The following AOPEP variants were observed in gnomAD, a reference collection of about 807,000 sequenced individuals.
The protein encoded by AOPEP is aminopeptidase O (putative).
Under a neutral mutation model 98.1 loss-of-function variants are expected in AOPEP, and 77 were observed. The observed-to-expected ratio is 0.78, with a 90% CI of 0.65 to 0.95. The LOEUF (loss-of-function observed/expected upper bound fraction) is 0.95. Ranked by LOEUF, AOPEP falls within the 40% of genes least tolerant of loss-of-function variation. AOPEP has a pLI of 0.00. For synonymous variants in AOPEP, 346 were observed against 365.3 expected (o/e 0.95, Z 0.60); for missense variants, 1,024 against 1,024.7 (o/e 1.00, Z 0.01).
At chr9:94,955,878 C>T in intron 8 of AOPEP, 30 bp from the exon 9 acceptor site, 1 of 1,526,902 alleles carries the variant, frequency 6.5e-7, no homozygotes, top group Non-Finnish European at 9.0e-7. Context: ...TGGTAGGCCT[C>T]TTTTTCTCTC....
At chr9:95,001,013 T>A (rs951240444) in intron 11 of AOPEP, among the ~76,000 whole-genome samples, 3 of 152,150 alleles carry the variant, frequency 2.0e-5, no homozygotes, top group African/African-American at 7.2e-5. Context: ...TTGGGAACAT[T>A]GAAGAGCCCC....
chr9:95,149,837 T>G, the AOPEP span: 3 of 1,441,150 alleles, frequency 2.1e-6, no homozygotes, highest in South Asian at 3.7e-5. Flanking sequence ...GTTTGGACAC[T>G]GCTGTCGTAC....
intron 3 of AOPEP, among the ~76,000 whole-genome samples, chr9:94,783,465 C>T (rs16911698): frequency 0.065 from 9,964 of 152,168 alleles, 1,086 homozygotes; most frequent in African/African-American, 0.23. Context: ...TGAGCAACTG[C>T]GGAGAAGAAC....
intron 5 of AOPEP, among the ~76,000 whole-genome samples, chr9:94,887,300 A>C (rs2048352263): frequency 6.6e-6 from 1 of 152,102 alleles, no homozygotes; most frequent in South Asian, 2.1e-4. Context: ...GTGAGCTAAG[A>C]TTGCACCATT....
chr9:95,058,761 C>T (rs1349806500), intron 13 of AOPEP, among the ~76,000 whole-genome samples: 1 of 152,170 alleles, frequency 6.6e-6, no homozygotes, highest in Non-Finnish European at 1.5e-5. Context: ...AAGGAAGACA[C>T]TGGGAAGAGG....
intron 13 of AOPEP, among the ~76,000 whole-genome samples, chr9:95,043,251 T>TATATATATACATAAATATACAG (rs2065507772): frequency 6.8e-6 from 1 of 147,632 alleles, no homozygotes; most frequent in Non-Finnish European, 1.5e-5. Context: ...TATATACAGA[T>TATATATATACATAAATATACAG]ATATATATAC....
intron 13 of AOPEP, among the ~76,000 whole-genome samples, chr9:95,028,743 T>C (rs953848318): frequency 2.6e-5 from 4 of 152,184 alleles, no homozygotes; most frequent in African/African-American, 9.7e-5. Context: ...GCTTCACTGT[T>C]GTATTTAATT....
the AOPEP span, chr9:95,110,296 G>GA: frequency 2.2e-5 from 22 of 1,013,488 alleles, 1 homozygote; most frequent in South Asian, 9.8e-4. Flanking sequence ...TTTTGACTGT[G>GA]ATGGAATTGA....
At chr9:95,115,063 C>T in the AOPEP span, among the ~76,000 whole-genome samples, 1 of 152,218 alleles carries the variant, frequency 6.6e-6, no homozygotes, top group Non-Finnish European at 1.5e-5. Context: ...ACCTCAGCCT[C>T]CCCAGTAGCT....
At chr9:95,113,197 G>A in the AOPEP span, among the ~76,000 whole-genome samples, 20 of 152,158 alleles carry the variant, frequency 1.3e-4, no homozygotes, top group Admixed American at 5.2e-4. Flanking sequence ...GGTCTCTGTC[G>A]GTAAGAATCA....
At chr9:95,067,200 A>G (rs2067997430) in intron 14 of AOPEP, among the ~76,000 whole-genome samples, 1 of 152,078 alleles carries the variant, frequency 6.6e-6, no homozygotes, top group Admixed American at 6.5e-5. Flanking sequence ...TGAGAACCTC[A>G]CAGCACAGAT....
rs958779864 is a variant in AOPEP, at chr9:94,944,820, T to G, written c.1662-10357T>G. ...TCTAAAGTTGATTACATTCTAAAGT[T>G]TATTGCACATCATCAACTTATGTGC... On this transcript the variant is annotated intron_variant, in intron 7 of 16. Coordinates refer to ENST00000375315, the MANE Select transcript of AOPEP (RefSeq NM_001193329.3). 2.6e-5 allele frequency among the ~76,000 whole-genome samples: 4 copies of G among 152,292 alleles called. No homozygotes were observed. The East Asian group carries it at 7.7e-4, about 29-fold the overall frequency.
the AOPEP span, among the ~76,000 whole-genome samples, chr9:95,131,218 TTC>T: frequency 9.2e-5 from 14 of 152,226 alleles, no homozygotes; most frequent in African/African-American, 2.7e-4. Context: ...ACATGTGCTC[TTC>T]TCTGTGTTTG....
intron 13 of AOPEP, among the ~76,000 whole-genome samples, chr9:95,020,778 T>A (rs1306884354): frequency 6.6e-6 from 1 of 151,004 alleles, no homozygotes; most frequent in African/African-American, 2.4e-5. Flanking sequence ...ATTAGCCAGG[T>A]GTGGTGGTGC....
Position 94,902,207 on chromosome 9 carries a change from TAC to T in AOPEP, c.1365-21771_1365-21770del, listed in dbSNP as rs928652279. ...AGTGAGTATGTCATTTAATATTTCT[TAC>T]ACACACAGAAAGGGTGAGGAAGGGT... On this transcript the variant is annotated intron_variant, in intron 5 of 16. Coordinates refer to ENST00000375315, the MANE Select transcript of AOPEP (RefSeq NM_001193329.3). Among the ~76,000 whole-genome samples the T allele has an allele frequency of 1.1e-4, 17 of 152,182 alleles. 1 individual carries two copies. Among genetic ancestry groups the T allele is most frequent in the African/African-American group, 3.9e-4 (16 of 41,446 alleles).
intron 13 of AOPEP, among the ~76,000 whole-genome samples, chr9:95,030,116 A>T (rs1395137760): frequency 1.3e-5 from 2 of 152,196 alleles, no homozygotes; most frequent in Non-Finnish European, 2.9e-5. Context: ...TTCCCCCTGA[A>T]TATCAAAGTG....
chr9:95,065,187 C>G (rs548806671), intron 14 of AOPEP, among the ~76,000 whole-genome samples: 2 of 152,188 alleles, frequency 1.3e-5, no homozygotes, highest in Non-Finnish European at 2.9e-5. Context: ...TCAGGATGCT[C>G]GATGCTTTAG....
At chr9:94,879,507 C>T (rs1278900696) in intron 5 of AOPEP, among the ~76,000 whole-genome samples, 2 of 152,164 alleles carry the variant, frequency 1.3e-5, no homozygotes, top group Non-Finnish European at 2.9e-5. Flanking sequence ...TTTTAACTTA[C>T]CCAGTAAAAT....
chr9:95,126,443 A>C, the AOPEP span: 1 of 1,284,668 alleles, frequency 7.8e-7, no homozygotes, highest in Non-Finnish European at 1.1e-6. Flanking sequence ...TGATACAGCC[A>C]GAGACTACCA....
Sources: allele counts gnomAD v4.1 joint callset (sites outside exome capture counted in the v4.1 genomes callset), GRCh38; gene constraint gnomAD v4.1.1; transcripts MANE v1.5; gene names NCBI Gene and HGNC (gene_info 2026-07-23, HGNC 2026-07-21).